Variants in PACSIN2 observed in about 807,000 individuals in gnomAD.
PACSIN2 encodes protein kinase C and casein kinase substrate in neurons 2, also known as protein kinase C and casein kinase substrate in neurons protein 2.
In PACSIN2, 25 loss-of-function variants were observed where a neutral mutation model predicts 63.8. That is an observed-to-expected ratio of 0.39 (90% CI 0.29 to 0.55). PACSIN2 has a LOEUF of 0.55. PACSIN2 is among the 20% of genes least tolerant of loss of function. The pLI is 0.62. For synonymous variants in PACSIN2, 255 were observed against 256.2 expected (o/e 1.00, Z 0.05); for missense variants, 518 against 646.9 (o/e 0.80, Z 2.16).
chr22:42,882,060 G>A, intron 7 of PACSIN2, 124 bp downstream of exon 7: 1 of 1,177,024 alleles, frequency 8.5e-7, no homozygotes, highest in South Asian at 1.3e-5. Context: ...TATGCCTAAA[G>A]GCTGCCTGAT....
intron 1 of PACSIN2, among the ~76,000 whole-genome samples, chr22:42,958,730 T>C (rs1040414243): frequency 7.9e-5 from 12 of 152,152 alleles, no homozygotes; most frequent in African/African-American, 2.9e-4. Flanking sequence ...GTAGGTAACA[T>C]CCTAACAAGA....
intron 1 of PACSIN2, among the ~76,000 whole-genome samples, chr22:42,935,417 A>T (rs1330950767): frequency 6.6e-6 from 1 of 151,902 alleles, no homozygotes; most frequent in Non-Finnish European, 1.5e-5. Flanking sequence ...ATGTGCGGAG[A>T]CCTACTGTGG....
In PACSIN2 at chr22:43,010,398, A is replaced by ATATATATTTTTTT; in HGVS notation, c.-78+4622_-78+4623insAAAAAAATATATA. On this transcript the variant is annotated intron_variant, in intron 1 of 10. Transcript: ENST00000263246. ...TGTTTAAAAATACATATATATATAT[A>ATATATATTTTTTT]TTTTTTTTTAATTGAAAATAAAAAA... Among the ~76,000 whole-genome samples, 139 of 126,402 alleles carry ATATATATTTTTTT rather than the reference A, an allele frequency of 1.1e-3. 1 individual carries two copies. Among genetic ancestry groups the ATATATATTTTTTT allele is most frequent in the African/African-American group, 3.8e-3 (134 of 35,348 alleles). 82.9% of individuals were successfully genotyped at this position (126,402 alleles called of 152,430 possible). A position where few individuals can be genotyped will look rare whatever the true frequency, so the allele number is the denominator to read the frequency against.
At chr22:42,914,054 T>G (rs1931646565) in intron 1 of PACSIN2, among the ~76,000 whole-genome samples, 1 of 152,240 alleles carries the variant, frequency 6.6e-6, no homozygotes, top group Non-Finnish European at 1.5e-5. Context: ...AGGAGACTGT[T>G]GCAGGACTAA....
rs942379318 is a variant in PACSIN2, at chr22:42,871,716, CCA to C, written c.1349-249_1349-248del. On this transcript the variant is annotated intron_variant, in intron 10 of 10. Transcript: ENST00000263246. This position sits in a 1 kb window ranked among gnomAD's most constrained non-coding sequence, Gnocchi z 5.4. Reference sequence around the variant, plus strand: ...ATTTGGAACAAGCTGCTCTCAGCTGCCACAGTGGCTCCCACTGAGACTGCGGC... The same window carrying C: ...ATTTGGAACAAGCTGCTCTCAGCTGCCAGTGGCTCCCACTGAGACTGCGGC... 2.0e-5 allele frequency among the ~76,000 whole-genome samples: 3 copies of C among 152,304 alleles called. No homozygotes were observed. Among genetic ancestry groups the C allele is most frequent in the Admixed American group, 1.3e-4 (2 of 15,300 alleles).
intron 1 of PACSIN2, among the ~76,000 whole-genome samples, chr22:42,943,820 G>T (rs1802031303): frequency 6.6e-6 from 1 of 152,102 alleles, no homozygotes; most frequent in African/African-American, 2.4e-5. Context: ...GGTATCAGAG[G>T]AAAACATGAA....
chr22:43,012,154 A>AATAC (rs71311476), intron 1 of PACSIN2, among the ~76,000 whole-genome samples: 18,723 of 133,848 alleles, frequency 0.14, 1,421 homozygotes, highest in East Asian at 0.34. Context: ...AAAATAAATA[A>AATAC]ATACATACAT....
At position 42,880,702 on chromosome 22, in the gene PACSIN2, T is replaced by A. The variant is rs974284471; in HGVS notation, c.906+1482A>T. On this transcript the variant is annotated intron_variant, in intron 7 of 10. Coordinates refer to ENST00000263246, the MANE Select transcript of PACSIN2 (RefSeq NM_001184970.3). ...GTAACAGCTGCAAATGTGCGCAGAA[T>A]GAATGCACAGGGGCTGGTTCCCAGC... The A allele has an allele frequency of 2.6e-5, 4 of 152,312 alleles. No individual in the cohort carries two copies. In the East Asian group the frequency reaches 7.7e-4, roughly 29 times the overall value. The allele number at this position is 152,312 out of a possible 1,614,324, so 9.4% of individuals were successfully genotyped here.
rs1193318031 is a variant in PACSIN2, at chr22:42,980,465, A to ACCCTCT, written c.-78+34550_-78+34555dup. ...AGACCCTCCCTCAAAAAAACAAACA[A>ACCCTCT]CCCTCTCCCTCTCCCTCTCCCCCTC... On this transcript the variant is annotated intron_variant, in intron 1 of 10. Coordinates refer to ENST00000263246, the MANE Select transcript of PACSIN2 (RefSeq NM_001184970.3). Among the ~76,000 whole-genome samples the ACCCTCT allele has an allele frequency of 3.5e-3, 464 of 133,360 alleles. 1 individual carries two copies. The highest frequency in any genetic ancestry group is 5.7e-3 in the Non-Finnish European group (356 of 62,044). 87.5% of individuals were successfully genotyped at this position (133,360 alleles called of 152,430 possible). A position where few individuals can be genotyped will look rare whatever the true frequency, so the allele number is the denominator to read the frequency against.
intron 2 of PACSIN2, among the ~76,000 whole-genome samples, chr22:42,901,807 C>T (rs1202453454): frequency 6.6e-6 from 1 of 152,246 alleles, no homozygotes; most frequent in Non-Finnish European, 1.5e-5. Flanking sequence ...TCCTGGCATA[C>T]CTGACCAGCT....
intron 1 of PACSIN2, among the ~76,000 whole-genome samples, chr22:42,956,979 C>T (rs1933942073): frequency 6.6e-6 from 1 of 152,152 alleles, no homozygotes. Flanking sequence ...ATATTCTATA[C>T]TTAATATATA....
At chr22:42,955,718 T>C (rs1425267724) in intron 1 of PACSIN2, among the ~76,000 whole-genome samples, 1 of 152,234 alleles carries the variant, frequency 6.6e-6, no homozygotes, top group Non-Finnish European at 1.5e-5. Context: ...CTTTCTAACA[T>C]TCTTCCTGCA....
chr22:42,940,501 G>C (rs1456316374), intron 1 of PACSIN2, among the ~76,000 whole-genome samples: 1 of 152,152 alleles, frequency 6.6e-6, no homozygotes, highest in Non-Finnish European at 1.5e-5. Flanking sequence ...AAGGGAGGGG[G>C]AAAGAAGCCC....
At chr22:42,877,192 C>T (rs188092078) in intron 8 of PACSIN2, among the ~76,000 whole-genome samples, 182 bp from the exon 9 acceptor site, 2 of 152,314 alleles carry the variant, frequency 1.3e-5, no homozygotes, top group East Asian at 1.9e-4. Context: ...CTGTGAAACA[C>T]GGTCCAGGAG....
chr22:42,897,283 G>A (rs955738032), intron 2 of PACSIN2, among the ~76,000 whole-genome samples: 3 of 152,218 alleles, frequency 2.0e-5, no homozygotes, highest in African/African-American at 7.2e-5. Context: ...GTATAATAAT[G>A]ACTAGTTTTT....
intron 1 of PACSIN2, among the ~76,000 whole-genome samples, chr22:42,927,175 C>G (rs933130637): frequency 6.6e-6 from 1 of 152,214 alleles, no homozygotes; most frequent in African/African-American, 2.4e-5. Flanking sequence ...TTGCAGCCAA[C>G]AAGCCATCCT....
intron 5 of PACSIN2, among the ~76,000 whole-genome samples, chr22:42,885,365 T>C (rs1043356666): frequency 6.6e-6 from 1 of 152,080 alleles, no homozygotes; most frequent in Non-Finnish European, 1.5e-5. Context: ...GGTGGGATCA[T>C]GGTCGTGTTG....
Position 42,969,015 on chromosome 22 carries a change from C to T in PACSIN2, c.-78+46006G>A, listed in dbSNP as rs189535659. Among the ~76,000 whole-genome samples, 387 of 150,952 alleles carry T rather than the reference C, an allele frequency of 2.6e-3. 2 individuals carry two copies. Among genetic ancestry groups the T allele is most frequent in the African/African-American group, 9.3e-3 (382 of 41,038 alleles). On this transcript the variant is annotated intron_variant, in intron 1 of 10. Transcript: ENST00000263246. ...CTCTACAACCATGTGAGCCAATTCC[C>T]CTAATAAACTGCTTCTTATCTATCT...
chr22:42,963,631 C>T (rs1378658486), intron 1 of PACSIN2, among the ~76,000 whole-genome samples: 2 of 152,280 alleles, frequency 1.3e-5, no homozygotes, highest in East Asian at 3.9e-4. Context: ...GTACTCCTAG[C>T]CCTGTTTTAC....
Sources: allele counts gnomAD v4.1 joint callset (sites outside exome capture counted in the v4.1 genomes callset), GRCh38; gene constraint gnomAD v4.1.1; non-coding constraint Gnocchi (gnomAD v3.1); transcripts MANE v1.5; gene names NCBI Gene and HGNC (gene_info 2026-07-23, HGNC 2026-07-21).